PRR16: variants seen among roughly 807,000 people sequenced by gnomAD.
PRR16 encodes protein Largen.
PRR16 carries 6 observed loss-of-function variants against 18.2 expected under a neutral mutation model. The observed-to-expected ratio is 0.33, with a 90% CI of 0.18 to 0.65. The LOEUF (loss-of-function observed/expected upper bound fraction) is 0.65. Among genes scored for constraint, PRR16 ranks in the 30% least tolerant of loss-of-function variants. The pLI, the probability that PRR16 is intolerant of heterozygous loss-of-function variation, is 0.74. For missense variants in PRR16, 412 were observed against 376.6 expected, an observed-to-expected ratio of 1.09 and a Z score of -0.78; for synonymous variants, 151 against 147.8, an observed-to-expected ratio of 1.02 and a Z score of -0.16.
chr5:120,709,418 T>C, the PRR16 span, among the ~76,000 whole-genome samples: 2 of 152,216 alleles, frequency 1.3e-5, no homozygotes, highest in Non-Finnish European at 2.9e-5. Context: ...GATACAAGCT[T>C]ACAATATGAG....
chr5:120,680,331 A>G (rs1407518514), intron 1 of PRR16, among the ~76,000 whole-genome samples: 2 of 152,102 alleles, frequency 1.3e-5, no homozygotes, highest in Non-Finnish European at 2.9e-5. Context: ...ATATCTTTTT[A>G]TTATTTCTTA....
At chr5:120,631,348 G>A (rs532137816) in intron 1 of PRR16, among the ~76,000 whole-genome samples, 3 of 152,248 alleles carry the variant, frequency 2.0e-5, no homozygotes, top group Admixed American at 6.5e-5. Context: ...CAGACCTTTT[G>A]AAGGACTGGA....
intron 1 of PRR16, among the ~76,000 whole-genome samples, chr5:120,590,835 A>G (rs1753609680): frequency 6.6e-6 from 1 of 152,188 alleles, no homozygotes; most frequent in African/African-American, 2.4e-5. Context: ...ATAAATATGA[A>G]TAAAATGAAT....
the PRR16 span, among the ~76,000 whole-genome samples, chr5:120,748,552 C>G: frequency 2.0e-5 from 3 of 151,844 alleles, no homozygotes; most frequent in Non-Finnish European, 4.4e-5. Flanking sequence ...ATTATTTAAT[C>G]TAAAATTTTA....
chr5:120,487,933 T>A (rs956399156), intron 1 of PRR16, among the ~76,000 whole-genome samples: 2 of 152,214 alleles, frequency 1.3e-5, no homozygotes, highest in Non-Finnish European at 2.9e-5. Flanking sequence ...TGTTTCTGTT[T>A]ATATGCTGGA....
At chr5:120,586,814 A>G (rs1753460717) in intron 1 of PRR16, among the ~76,000 whole-genome samples, 1 of 152,158 alleles carries the variant, frequency 6.6e-6, no homozygotes, top group African/African-American at 2.4e-5. Flanking sequence ...ATTCAAGTGA[A>G]AGGAAGAGTC....
At chr5:120,531,487 A>C (rs1404300) in intron 1 of PRR16, 32,609 of 151,738 alleles carry the variant, frequency 0.21, 3,979 homozygotes, top group African/African-American at 0.34. Flanking sequence ...TCCAGCTTTT[A>C]ATCCGTAATG....
the PRR16 span, among the ~76,000 whole-genome samples, chr5:120,785,228 T>C: frequency 2.6e-5 from 4 of 152,158 alleles, no homozygotes; most frequent in Non-Finnish European, 4.4e-5. Flanking sequence ...ACAACCTTTT[T>C]CTAACTCTGC....
the PRR16 span, among the ~76,000 whole-genome samples, chr5:120,740,327 G>A: frequency 6.6e-6 from 1 of 152,056 alleles, no homozygotes; most frequent in African/African-American, 2.4e-5. Context: ...ATTTATATAG[G>A]CAAGTTTATC....
chr5:120,729,377 C>T, the PRR16 span, among the ~76,000 whole-genome samples: 59 of 152,014 alleles, frequency 3.9e-4, no homozygotes, highest in African/African-American at 1.4e-3. Context: ...CAGAACAATA[C>T]TTATTTCTTA....
At chr5:120,527,143 A>G (rs1053740587) in intron 1 of PRR16, among the ~76,000 whole-genome samples, 2 of 152,322 alleles carry the variant, frequency 1.3e-5, no homozygotes, top group African/African-American at 2.4e-5. Flanking sequence ...AAAGGGCCAG[A>G]TAGGAACTAT....
intron 1 of PRR16, among the ~76,000 whole-genome samples, chr5:120,547,534 A>G (rs1005587812): frequency 6.6e-6 from 1 of 151,352 alleles, no homozygotes; most frequent in Non-Finnish European, 1.5e-5. Flanking sequence ...TGGAAGGCAA[A>G]TTATCCTCAT....
At chr5:120,766,476 A>G in the PRR16 span, among the ~76,000 whole-genome samples, 32 of 151,848 alleles carry the variant, frequency 2.1e-4, no homozygotes, top group African/African-American at 7.0e-4. Context: ...GTTTTGACAC[A>G]CTCAGTACTA....
At chr5:120,654,327 A>G (rs1755892918) in intron 1 of PRR16, among the ~76,000 whole-genome samples, 1 of 151,920 alleles carries the variant, frequency 6.6e-6, no homozygotes, top group South Asian at 2.1e-4. Context: ...ATCTAATCCT[A>G]ATTTTTTTGT....
intron 1 of PRR16, among the ~76,000 whole-genome samples, chr5:120,491,019 G>A (rs1033195221): frequency 2.6e-5 from 4 of 152,162 alleles, no homozygotes; most frequent in African/African-American, 9.7e-5. Flanking sequence ...TGGAAGTTTT[G>A]TCTCAGAGGA....
chr5:120,631,002 A>G (rs1475380361), intron 1 of PRR16, among the ~76,000 whole-genome samples: 3 of 152,206 alleles, frequency 2.0e-5, no homozygotes, highest in East Asian at 1.9e-4. Flanking sequence ...TTGAGGACCA[A>G]TATCACCCAT....
chr5:120,667,896 G>C (rs1304323018), intron 1 of PRR16, among the ~76,000 whole-genome samples: 1 of 152,044 alleles, frequency 6.6e-6, no homozygotes, highest in Non-Finnish European at 1.5e-5. Flanking sequence ...TTTTGGAATA[G>C]GTGTGGTGTG....
intron 1 of PRR16, among the ~76,000 whole-genome samples, chr5:120,488,168 G>T (rs1292836760): frequency 6.6e-6 from 1 of 152,204 alleles, no homozygotes; most frequent in Non-Finnish European, 1.5e-5. Flanking sequence ...CTCATAAAAT[G>T]AGTTAGGGAG....
chr5:120,490,909 G>A (rs1195611031), intron 1 of PRR16, among the ~76,000 whole-genome samples: 38 of 152,166 alleles, frequency 2.5e-4, no homozygotes, highest in Admixed American at 2.5e-3. Flanking sequence ...GGAGTTTGCT[G>A]GAGGTCCACT....
Sources: gnomAD v4.1 joint callset for allele counts (sites outside exome capture counted in the v4.1 genomes callset) on GRCh38, gnomAD v4.1.1 for gene constraint, MANE v1.5 for transcripts, NCBI Gene and HGNC (gene_info 2026-07-23, HGNC 2026-07-21) for gene names.